The following PRKCH variants were observed in gnomAD, a reference collection of about 807,000 sequenced individuals.
PRKCH encodes the protein protein kinase C eta type.
A neutral mutation model predicts 82.5 loss-of-function variants in PRKCH; 28 were observed. The observed-to-expected ratio is 0.34, with a 90% CI of 0.25 to 0.47. PRKCH has a LOEUF of 0.47. Among genes scored for constraint, PRKCH ranks in the 20% least tolerant of loss-of-function variants. The pLI is 1.00. For missense variants in PRKCH, 705 were observed against 881.8 expected, an observed-to-expected ratio of 0.80 and a Z score of 2.54; for synonymous variants, 322 against 327.4, an observed-to-expected ratio of 0.98 and a Z score of 0.18.
intron 1 of PRKCH, among the ~76,000 whole-genome samples, chr14:61,222,335 G>GTTTT (rs2044662329): frequency 6.6e-6 from 1 of 152,168 alleles, no homozygotes; most frequent in African/African-American, 2.4e-5. Flanking sequence ...TTGATAGTGT[G>GTTTT]TGTTTTTGTT....
chr14:61,292,171 A>C (rs2045368877), intron 1 of PRKCH, among the ~76,000 whole-genome samples: 1 of 152,100 alleles, frequency 6.6e-6, no homozygotes, highest in African/African-American at 2.4e-5. Flanking sequence ...CCAATCAATA[A>C]GGAAAATTTT....
At chr14:61,338,921 T>C (rs2045893217) in intron 1 of PRKCH, among the ~76,000 whole-genome samples, 2 of 152,208 alleles carry the variant, frequency 1.3e-5, no homozygotes, top group Non-Finnish European at 2.9e-5. Flanking sequence ...ATTGTGCCTG[T>C]CAAGATATTA....
intron 1 of PRKCH, among the ~76,000 whole-genome samples, chr14:61,293,333 G>A (rs1438331924): frequency 6.6e-6 from 1 of 152,212 alleles, no homozygotes; most frequent in Non-Finnish European, 1.5e-5. Context: ...AGCCTGGTGG[G>A]CTAGGCAGCA....
chr14:61,231,588 G>T (rs1047989103), intron 1 of PRKCH, among the ~76,000 whole-genome samples: 2 of 152,010 alleles, frequency 1.3e-5, no homozygotes, highest in Non-Finnish European at 2.9e-5. Context: ...TAGCCAGGAT[G>T]GTCTCGATCT....
At chr14:61,322,720 G>A in intron 1 of PRKCH, 1 of 462,256 alleles carries the variant, frequency 2.2e-6, no homozygotes, top group East Asian at 3.7e-5. Context: ...CGGGAAGTCG[G>A]GCAGGGGTCC....
chr14:61,542,558 T>C (rs749748246), intron 12 of PRKCH, among the ~76,000 whole-genome samples: 6 of 152,102 alleles, frequency 3.9e-5, no homozygotes, highest in Admixed American at 6.6e-5. Flanking sequence ...CCAAAGACCA[T>C]TCCTCCCACT....
At chr14:61,268,633 A>G (rs2045125322) in intron 1 of PRKCH, among the ~76,000 whole-genome samples, 1 of 152,122 alleles carries the variant, frequency 6.6e-6, no homozygotes, top group African/African-American at 2.4e-5. Context: ...GTACCATTGC[A>G]CTCCAACCTG....
chr14:61,449,173 G>T lies in PRKCH; in HGVS notation c.623G>T (p.Cys208Phe). ...GGATTTAATTTCCTAGTGTGCACCT[G>T]TGTCGTCCATAAACGCTGCCATCAT... is the stretch of plus-strand genomic sequence containing the variant. ...KQGYQCQVCT[C>F]VVHKRCHHLI... The change falls in exon 5 of 14, where the codon TGT becomes TTT. Residue 208 changes from cysteine to phenylalanine, a missense_variant. Cys to Phe is a radical substitution (Grantham distance 205, BLOSUM62 -2). Coordinates refer to ENST00000332981, the MANE Select transcript of PRKCH (RefSeq NM_006255.5). 1 of 1,613,822 alleles carries T rather than the reference G, an allele frequency of 6.2e-7. No individual in the cohort carries two copies. The highest frequency in any genetic ancestry group is 8.5e-7 in the Non-Finnish European group (1 of 1,179,734).
At chr14:61,356,169 A>G (rs2046145803) in intron 1 of PRKCH, among the ~76,000 whole-genome samples, 1 of 152,120 alleles carries the variant, frequency 6.6e-6, no homozygotes, top group African/African-American at 2.4e-5. Flanking sequence ...AGGGAACAGG[A>G]GGGTGACCTT....
intron 1 of PRKCH, among the ~76,000 whole-genome samples, chr14:61,261,364 G>T (rs1176399483): frequency 6.6e-6 from 1 of 152,174 alleles, no homozygotes; most frequent in African/African-American, 2.4e-5. Context: ...CTGGGAATTG[G>T]GCAGGCATTT....
At chr14:61,358,084 G>A (rs12587610) in intron 1 of PRKCH, among the ~76,000 whole-genome samples, 82,086 of 151,938 alleles carry the variant, frequency 0.54, 26,026 homozygotes, top group Non-Finnish European at 0.7. Flanking sequence ...GGTTAAGATT[G>A]GGGCTCTGGA....
chr14:61,262,618 C>T (rs1032420298), intron 1 of PRKCH, among the ~76,000 whole-genome samples: 1 of 152,074 alleles, frequency 6.6e-6, no homozygotes, highest in Non-Finnish European at 1.5e-5. Flanking sequence ...ATCATGGTTA[C>T]GTTTGTGAAT....
At chr14:61,481,103 T>G (rs1885951789) in intron 9 of PRKCH, among the ~76,000 whole-genome samples, 1 of 152,188 alleles carries the variant, frequency 6.6e-6, no homozygotes, top group Non-Finnish European at 1.5e-5. Flanking sequence ...CTTAACACAC[T>G]GTGGCGATGT....
intron 2 of PRKCH, among the ~76,000 whole-genome samples, chr14:61,398,261 C>G (rs1026824807): frequency 1.3e-5 from 2 of 151,952 alleles, no homozygotes; most frequent in Admixed American, 1.3e-4. Flanking sequence ...GTGATTGTCA[C>G]TATGTTGGAC....
chr14:61,317,389 A>C (rs965972781), upstream of PRKCH, among the ~76,000 whole-genome samples: 4 of 152,184 alleles, frequency 2.6e-5, no homozygotes, highest in African/African-American at 9.7e-5. Context: ...AACTGTTGAA[A>C]GATTACTAAG....
chr14:61,437,887 G>A (rs534509260), intron 2 of PRKCH, among the ~76,000 whole-genome samples: 33 of 151,932 alleles, frequency 2.2e-4, no homozygotes, highest in East Asian at 1.9e-4. Flanking sequence ...ACTTGAGCCC[G>A]TGAGTTTGAG....
intron 1 of PRKCH, among the ~76,000 whole-genome samples, chr14:61,240,652 A>C (rs1490640916): frequency 1.3e-5 from 2 of 151,442 alleles, no homozygotes; most frequent in African/African-American, 4.9e-5. Flanking sequence ...TCCACCGAGA[A>C]CCTTCACCCT....
chr14:61,213,303 G>A (rs577688316), intron 1 of PRKCH, among the ~76,000 whole-genome samples: 34 of 152,254 alleles, frequency 2.2e-4, no homozygotes, highest in African/African-American at 8.2e-4. Context: ...CCTTTTGGTG[G>A]ATTAACCCAA....
In PRKCH at chr14:61,243,948, T is replaced by TA. The variant is rs36057064; in HGVS notation, c.-19+56295dup. Among the ~76,000 whole-genome samples, 369 of 148,592 alleles carry TA rather than the reference T, an allele frequency of 2.5e-3. 5 individuals are homozygous for TA. Among genetic ancestry groups the TA allele is most frequent in the African/African-American group, 6.7e-3 (272 of 40,350 alleles). On this transcript the variant is annotated intron_variant, in intron 1 of 3. Transcript: ENST00000555185. ...CAAGATGGCAAGACCTCATCTTAAT[T>TA]AAAAAAAAAAAAAAATACAGCAACA...
Sources: gnomAD v4.1 joint callset for allele counts (sites outside exome capture counted in the v4.1 genomes callset) on GRCh38, gnomAD v4.1.1 for gene constraint, MANE v1.5 for transcripts, NCBI Gene and HGNC (gene_info 2026-07-23, HGNC 2026-07-21) for gene names.